MSI2: variants seen among roughly 807,000 people sequenced by gnomAD.
The protein encoded by MSI2 is musashi RNA binding protein 2.
MSI2 carries 17 observed loss-of-function variants against 45.6 expected under a neutral mutation model. That is an observed-to-expected ratio of 0.37 (90% CI 0.26 to 0.56). The LOEUF (loss-of-function observed/expected upper bound fraction) is 0.56, where lower values mean the gene tolerates loss of function less well. MSI2 is among the 20% of genes least tolerant of loss of function. The pLI is 0.77. For missense variants in MSI2, 293 were observed against 444.2 expected (o/e 0.66, Z 3.06); for synonymous variants, 156 against 158.2 (o/e 0.99, Z 0.11).
At chr17:57,635,034 A>AT (rs1213287932) in intron 10 of MSI2, among the ~76,000 whole-genome samples, 1 of 152,232 alleles carries the variant, frequency 6.6e-6, no homozygotes, top group African/African-American at 2.4e-5. Context: ...ATGTGCTCAG[A>AT]TAAAAATAAA....
intron 5 of MSI2, among the ~76,000 whole-genome samples, chr17:57,400,280 A>G (rs1237406531): frequency 6.6e-6 from 1 of 151,108 alleles, no homozygotes; most frequent in Non-Finnish European, 1.5e-5. Context: ...TAAAACTAAA[A>G]TGGCACATAG....
chr17:57,378,840 T>A (rs1198729941), intron 5 of MSI2, among the ~76,000 whole-genome samples: 1 of 152,182 alleles, frequency 6.6e-6, no homozygotes, highest in Non-Finnish European at 1.5e-5. Flanking sequence ...AACTGAATTA[T>A]CCCTCTGTGA....
At chr17:57,286,105 C>T in intron 5 of MSI2, 5 of 881,322 alleles carry the variant, frequency 5.7e-6, no homozygotes, top group Non-Finnish European at 6.4e-6. Context: ...TTCTTTCTTT[C>T]TTTTGTCTAA....
At chr17:57,290,055 T>C (rs544484977) in intron 5 of MSI2, among the ~76,000 whole-genome samples, 9 of 152,320 alleles carry the variant, frequency 5.9e-5, no homozygotes, top group Non-Finnish European at 1.2e-4. Context: ...AGAGGCAGTA[T>C]AGCCCATGGT....
chr17:57,279,180 G>A (rs1031022407), intron 5 of MSI2: 1 of 152,140 alleles, frequency 6.6e-6, no homozygotes, highest in Non-Finnish European at 1.5e-5. Flanking sequence ...ATGCTCTTAG[G>A]CCCAGAGGAG....
rs1400284938 is a variant in MSI2 at position 57,490,541 on chromosome 17, A to G, written c.406-39135A>G. Among the ~76,000 whole-genome samples the G allele has an allele frequency of 1.2e-4, 19 of 152,198 alleles. 1 individual carries two copies. Among genetic ancestry groups the G allele is most frequent in the Admixed American group, 1.2e-3 (19 of 15,280 alleles). On this transcript the variant is annotated intron_variant, in intron 6 of 13. Coordinates refer to ENST00000284073, the MANE Select transcript of MSI2 (RefSeq NM_138962.4). ...TCTGTTGTCCAGGAAGGGCTTGTGCATGCCTTTATAAGAGGTCATGTAAAG... is the reference window on the plus strand; with the variant it reads ...TCTGTTGTCCAGGAAGGGCTTGTGCGTGCCTTTATAAGAGGTCATGTAAAG...
At position 57,297,191 on chromosome 17, in the gene MSI2, T is replaced by G. The variant is rs574265340; in HGVS notation, c.312+34999T>G. 1.3e-4 allele frequency among the ~76,000 whole-genome samples: 20 copies of G among 150,652 alleles called. No homozygotes were observed. The South Asian group carries it at 3.3e-3, about 25-fold the overall frequency. ...ATGCTGGGCCCAGTTTTTTTTTGTT[T>G]TTTTTTTTTTTAAGTATATTTGTAA... On this transcript the variant is annotated intron_variant, in intron 5 of 13. Transcript: ENST00000284073.
intron 8 of MSI2, among the ~76,000 whole-genome samples, chr17:57,607,728 C>T (rs1004167971): frequency 6.6e-6 from 1 of 152,186 alleles, no homozygotes; most frequent in South Asian, 2.1e-4. Context: ...TACAGTTCAG[C>T]GGGTTGTACA....
chr17:57,498,296 A>T (rs2086021531), intron 6 of MSI2, among the ~76,000 whole-genome samples: 1 of 152,258 alleles, frequency 6.6e-6, no homozygotes, highest in African/African-American at 2.4e-5. Flanking sequence ...CCTATCCAGG[A>T]GTAATTAAAA....
At chr17:57,261,460 G>T (rs759207516) in intron 4 of MSI2, among the ~76,000 whole-genome samples, 3 of 151,912 alleles carry the variant, frequency 2.0e-5, no homozygotes, top group Non-Finnish European at 2.9e-5. Context: ...AATCCAGGTG[G>T]ATTTAGCTCA....
chr17:57,283,439 T>C (rs1233351899), intron 5 of MSI2, among the ~76,000 whole-genome samples: 1 of 152,172 alleles, frequency 6.6e-6, no homozygotes, highest in Non-Finnish European at 1.5e-5. Context: ...ATTTGTCTGT[T>C]ATAATCGGAA....
At chr17:57,363,567 G>A (rs1294023290) in intron 5 of MSI2, among the ~76,000 whole-genome samples, 1 of 152,186 alleles carries the variant, frequency 6.6e-6, no homozygotes, top group Non-Finnish European at 1.5e-5. Context: ...GAGAAACCCT[G>A]TCTCTACTAA....
chr17:57,360,060 C>T (rs576215001), intron 5 of MSI2, among the ~76,000 whole-genome samples: 6 of 152,328 alleles, frequency 3.9e-5, no homozygotes, highest in South Asian at 2.1e-4. Flanking sequence ...CGTGCCTTCA[C>T]GTGTGGTGAG....
chr17:57,631,795 T>C (rs781476863), intron 10 of MSI2: 26 of 1,612,828 alleles, frequency 1.6e-5, no homozygotes, highest in Non-Finnish European at 2.1e-5. Context: ...TTGCAGACTA[T>C]TTGCCGGTTT....
At chr17:57,496,232 C>T (rs749531190) in intron 6 of MSI2, among the ~76,000 whole-genome samples, 2 of 152,132 alleles carry the variant, frequency 1.3e-5, no homozygotes, top group Non-Finnish European at 2.9e-5. Context: ...CCAGGATTCC[C>T]ACCCCTTACA....
intron 6 of MSI2, among the ~76,000 whole-genome samples, chr17:57,466,327 C>G (rs1283333078): frequency 1.3e-5 from 2 of 152,216 alleles, no homozygotes; most frequent in African/African-American, 4.8e-5. Flanking sequence ...CTGGCCTCTC[C>G]CAGGCCCGCT....
chr17:57,318,966 T>C (rs1050235802), intron 5 of MSI2, among the ~76,000 whole-genome samples: 1 of 152,212 alleles, frequency 6.6e-6, no homozygotes, highest in South Asian at 2.1e-4. Context: ...TGCCTGTGGC[T>C]CCAGGGCCAG....
chr17:57,425,809 T>G (rs1206852224), intron 6 of MSI2, among the ~76,000 whole-genome samples: 1 of 152,244 alleles, frequency 6.6e-6, no homozygotes, highest in Non-Finnish European at 1.5e-5. Context: ...CGTTTTACAA[T>G]TTGCTATTTA....
At chr17:57,474,806 C>T (rs1457784733) in intron 6 of MSI2, among the ~76,000 whole-genome samples, 1 of 152,138 alleles carries the variant, frequency 6.6e-6, no homozygotes, top group Non-Finnish European at 1.5e-5. Flanking sequence ...GCAACCTCCA[C>T]CTCCTAAGTT....
Sources: allele counts gnomAD v4.1 joint callset (sites outside exome capture counted in the v4.1 genomes callset), GRCh38; gene constraint gnomAD v4.1.1; transcripts MANE v1.5; gene names NCBI Gene and HGNC (gene_info 2026-07-23, HGNC 2026-07-21).